Variants in TMEM243 observed in about 807,000 individuals in gnomAD.
TMEM243 encodes the protein MDR1 and mitochondrial taxol resistance associated.
TMEM243 carries 20 observed loss-of-function variants against 15.0 expected under a neutral mutation model. The observed-to-expected ratio is 1.33, with a 90% CI of 0.94 to 1.93. The LOEUF (loss-of-function observed/expected upper bound fraction) is 1.93. Ranked by LOEUF, TMEM243 falls within the 30% of genes most tolerant of loss-of-function variation. The pLI is 0.00. For synonymous variants in TMEM243, 72 were observed against 52.7 expected (o/e 1.37, Z -1.59); for missense variants, 156 against 142.1 (o/e 1.10, Z -0.50).
At position 87,196,360 on chromosome 7, in the gene TMEM243, T is replaced by C; in HGVS notation, c.*276A>G. 3.5e-6 allele frequency: 1 copy of C among 288,182 alleles called. No individual in the cohort carries two copies. The highest frequency in any genetic ancestry group is 6.4e-6 in the Non-Finnish European group (1 of 156,716). 17.9% of individuals were successfully genotyped at this position (288,182 alleles called of 1,614,324 possible). On this transcript the variant is annotated 3_prime_UTR_variant, in exon 4 of 4. Transcript: ENST00000257637. ...TTTGTTTTTACATAGCCTTTTGCCA[T>C]ACAATTATAAAAATTTCATTTCAAA...
intron 2 of TMEM243, 183 bp from the exon 3 acceptor site, chr7:87,198,228 T>G: frequency 2.0e-6 from 1 of 495,340 alleles, no homozygotes; most frequent in South Asian, 3.6e-5. Context: ...TTAGTACTTC[T>G]TTTCTAAACT....
intron 2 of TMEM243, 94 bp from the exon 3 acceptor site, chr7:87,198,139 C>A: frequency 9.7e-7 from 1 of 1,026,178 alleles, no homozygotes; most frequent in Non-Finnish European, 1.4e-6. Context: ...CAAAATGCTT[C>A]ATGTTATAAA....
intron 1 of TMEM243, among the ~76,000 whole-genome samples, chr7:87,211,751 G>T (rs1325809569): frequency 1.3e-5 from 2 of 152,186 alleles, no homozygotes; most frequent in Admixed American, 6.5e-5. Context: ...TGACTGTACA[G>T]GAGCTTCCCC....
intron 1 of TMEM243, among the ~76,000 whole-genome samples, chr7:87,212,495 C>T (rs1246070589): frequency 6.6e-6 from 1 of 152,082 alleles, no homozygotes; most frequent in Non-Finnish European, 1.5e-5. Context: ...AAAATCACAT[C>T]CAGAGAAAAC....
chr7:87,207,111 G>A (rs1802284824), intron 1 of TMEM243, among the ~76,000 whole-genome samples: 1 of 152,220 alleles, frequency 6.6e-6, no homozygotes, highest in African/African-American at 2.4e-5. Context: ...AATATCAATG[G>A]TAAACAATGG....
intron 3 of TMEM243, 51 bp downstream of exon 3, chr7:87,197,890 A>G (rs754497546): frequency 1.2e-6 from 2 of 1,611,798 alleles, no homozygotes; most frequent in Non-Finnish European, 1.7e-6. Context: ...TGTCCTGTGC[A>G]TTGCAACTTA....
At chr7:87,208,863 C>CT (rs1802411231) in intron 1 of TMEM243, among the ~76,000 whole-genome samples, 1 of 152,248 alleles carries the variant, frequency 6.6e-6, no homozygotes, top group Admixed American at 6.5e-5. Flanking sequence ...TGTAAATACT[C>CT]TAACGATTGT....
At chr7:87,200,739 CTG>C (rs1432415320) in intron 1 of TMEM243, among the ~76,000 whole-genome samples, 5 of 152,296 alleles carry the variant, frequency 3.3e-5, no homozygotes, top group South Asian at 2.1e-4. Context: ...CTCAGGGAAA[CTG>C]AGAACTTTCC....
At chr7:87,203,591 G>C (rs1361150369) in intron 1 of TMEM243, among the ~76,000 whole-genome samples, 2 of 149,778 alleles carry the variant, frequency 1.3e-5, no homozygotes, top group Non-Finnish European at 3.0e-5. Context: ...CTCCAGCCTG[G>C]ACAGAATGAG....
chr7:87,219,390 C>T (rs1803332910), intron 1 of TMEM243, 36 bp downstream of exon 1: 4 of 1,602,422 alleles, frequency 2.5e-6, no homozygotes, highest in African/African-American at 1.3e-5. Context: ...GCAGACACAC[C>T]CCCCATCCCA....
In TMEM243 at chr7:87,199,019, G is replaced by A. The variant is rs138311490; in HGVS notation, c.117C>T (p.Ser39=). 1.5e-5 allele frequency: 24 copies of A among 1,603,558 alleles called. No homozygotes were observed. Among genetic ancestry groups the A allele is most frequent in the Non-Finnish European group, 1.7e-5 (20 of 1,176,614 alleles). Residue 39 remains serine, a synonymous_variant, in exon 2 of 4, where the codon TCC becomes TCT. Coordinates refer to ENST00000257637, the MANE Select transcript of TMEM243 (RefSeq NM_024315.4). ...TGAGGATACTTACTAGAATCAATAA[G>A]GATGTTAAGCTGCCAACAACTAAAT... ...IINLVVGSLT[S]LLILVTLISA...
chr7:87,219,793 C>T (rs1207703036), upstream of TMEM243: 2 of 448,104 alleles, frequency 4.5e-6, no homozygotes, highest in African/African-American at 2.0e-5. Flanking sequence ...GGGCAGCTCC[C>T]ACTTCCTCAA....
intron 3 of TMEM243, among the ~76,000 whole-genome samples, chr7:87,197,456 C>A (rs900025562): frequency 1.3e-5 from 2 of 151,914 alleles, no homozygotes; most frequent in Non-Finnish European, 2.9e-5. Flanking sequence ...AACATTTTTA[C>A]AACAACTGCA....
intron 1 of TMEM243, among the ~76,000 whole-genome samples, chr7:87,209,617 A>T (rs1421935145): frequency 6.8e-6 from 1 of 146,352 alleles, no homozygotes; most frequent in Non-Finnish European, 1.5e-5. Flanking sequence ...AGAGACAGAG[A>T]GAGAGACTGA....
chr7:87,209,466 G>A (rs572974679), intron 1 of TMEM243, among the ~76,000 whole-genome samples: 7 of 150,646 alleles, frequency 4.6e-5, no homozygotes, highest in African/African-American at 1.7e-4. Context: ...CAGACAGAGT[G>A]AGACAGAGAG....
intron 1 of TMEM243, among the ~76,000 whole-genome samples, chr7:87,206,903 C>A (rs915596901): frequency 1.3e-5 from 2 of 152,212 alleles, no homozygotes; most frequent in African/African-American, 4.8e-5. Context: ...CCAGTAGAGA[C>A]CATTCATCTC....
In TMEM243 at chr7:87,219,588, C is replaced by T. The variant is rs1241853023; in HGVS notation, c.-85G>A. 8 of 1,242,266 alleles carry T rather than the reference C, an allele frequency of 6.4e-6. No individual in the cohort carries two copies. The highest frequency in any genetic ancestry group is 6.0e-5 in the African/African-American group (4 of 67,080). The allele number at this position is 1,242,266 out of a possible 1,614,324, so 77.0% of individuals were successfully genotyped here. A position where few individuals can be genotyped will look rare whatever the true frequency, so the allele number is the denominator to read the frequency against. On this transcript the variant is annotated 5_prime_UTR_variant, in exon 1 of 4. Coordinates refer to ENST00000257637, the MANE Select transcript of TMEM243 (RefSeq NM_024315.4). Reference sequence around the variant, plus strand: ...GTCTCAGGTCCACGACTGCAAGCCTCCTCCTCACGGCTCCCGCATAGCCGA... The same window carrying T: ...GTCTCAGGTCCACGACTGCAAGCCTTCTCCTCACGGCTCCCGCATAGCCGA...
At chr7:87,204,370 C>T (rs1166128340) in intron 1 of TMEM243, among the ~76,000 whole-genome samples, 1 of 152,164 alleles carries the variant, frequency 6.6e-6, no homozygotes, top group East Asian at 1.9e-4. Context: ...CATGCCTTTG[C>T]AACAGTCCCC....
At chr7:87,216,172 G>A (rs1803102962) in intron 1 of TMEM243, among the ~76,000 whole-genome samples, 2 of 150,882 alleles carry the variant, frequency 1.3e-5, no homozygotes. Context: ...TGCTTGGGAA[G>A]CTGAGGCAGG....
Sources: allele counts gnomAD v4.1 joint callset (sites outside exome capture counted in the v4.1 genomes callset), GRCh38; gene constraint gnomAD v4.1.1; transcripts MANE v1.5; gene names NCBI Gene and HGNC (gene_info 2026-07-23, HGNC 2026-07-21).